Variants in RAPGEF5 observed in about 807,000 individuals in gnomAD.
The protein encoded by RAPGEF5 is M-Ras-regulated GEF.
In RAPGEF5, 65 loss-of-function variants were observed where a neutral mutation model predicts 125.2. The ratio of observed to expected loss-of-function variants is 0.52; its 90% CI spans 0.43 to 0.64. The LOEUF (loss-of-function observed/expected upper bound fraction) is 0.64. Ranked by LOEUF, RAPGEF5 falls within the 30% of genes least tolerant of loss-of-function variation. The pLI is 0.00. For synonymous variants in RAPGEF5, 391 were observed against 385.9 expected (o/e 1.01, Z -0.16); for missense variants, 958 against 1,048.1 (o/e 0.91, Z 1.19).
In RAPGEF5 at chr7:22,247,275, A is replaced by G. The variant is rs112732344; in HGVS notation, c.797-16356T>C. Among the ~76,000 whole-genome samples the G allele has an allele frequency of 2.1e-3, 327 of 152,266 alleles. 3 individuals carry two copies. The highest frequency in any genetic ancestry group is 7.6e-3 in the African/African-American group (315 of 41,558). On this transcript the variant is annotated intron_variant, in intron 7 of 25. Coordinates refer to ENST00000665637, the MANE Select transcript of RAPGEF5 (RefSeq NM_012294.5). Reference sequence around the variant, plus strand: ...ATCGTTCTGCCAAAAAGACACATGCACTCATATGTTTACTGCAGCAGTATT... The same window carrying G: ...ATCGTTCTGCCAAAAAGACACATGCGCTCATATGTTTACTGCAGCAGTATT...
chr7:22,161,268 T>C (rs904339185), intron 13 of RAPGEF5, among the ~76,000 whole-genome samples: 2 of 151,820 alleles, frequency 1.3e-5, no homozygotes, highest in Admixed American at 6.6e-5. Context: ...AGGTTGGGTG[T>C]GGTGGCTCAG....
chr7:22,322,317 C>CTT (rs1167378740), intron 1 of RAPGEF5, among the ~76,000 whole-genome samples: 1 of 146,556 alleles, frequency 6.8e-6, no homozygotes. Flanking sequence ...TTTTGTATTT[C>CTT]TTTTTTTTTT....
At chr7:22,178,942 A>G (rs910408114) in intron 11 of RAPGEF5, among the ~76,000 whole-genome samples, 2 of 152,162 alleles carry the variant, frequency 1.3e-5, no homozygotes, top group Admixed American at 6.6e-5. Context: ...ACCAGTCATC[A>G]TATTAGCATA....
intron 18 of RAPGEF5, among the ~76,000 whole-genome samples, chr7:22,147,637 T>C (rs1325933880): frequency 6.6e-6 from 1 of 152,232 alleles, no homozygotes; most frequent in Non-Finnish European, 1.5e-5. Context: ...CTAACAACTA[T>C]GAGGCTGGTA....
intron 5 of RAPGEF5, among the ~76,000 whole-genome samples, chr7:22,295,063 G>T (rs1783028417): frequency 6.6e-6 from 1 of 152,154 alleles, no homozygotes; most frequent in African/African-American, 2.4e-5. Flanking sequence ...AAGTTTGTAT[G>T]CTTTGATCAA....
At chr7:22,330,903 C>T (rs1783904381) in intron 1 of RAPGEF5, among the ~76,000 whole-genome samples, 2 of 152,212 alleles carry the variant, frequency 1.3e-5, no homozygotes, top group African/African-American at 2.4e-5. Flanking sequence ...ATTAGCTACT[C>T]ACTCTGGGGT....
intron 7 of RAPGEF5, among the ~76,000 whole-genome samples, chr7:22,260,998 A>G (rs989007467): frequency 5.9e-5 from 9 of 152,224 alleles, no homozygotes; most frequent in African/African-American, 1.9e-4. Context: ...AAAGAATTCA[A>G]TGAATGCTAA....
intron 11 of RAPGEF5, among the ~76,000 whole-genome samples, chr7:22,169,219 C>G (rs1784265831): frequency 6.6e-6 from 1 of 152,146 alleles, no homozygotes; most frequent in Admixed American, 6.5e-5. Flanking sequence ...GGGCCCCCTA[C>G]TAGAGTCTCT....
intron 7 of RAPGEF5, among the ~76,000 whole-genome samples, chr7:22,247,739 G>T (rs1334990735): frequency 2.8e-5 from 4 of 143,838 alleles, no homozygotes; most frequent in African/African-American, 7.7e-5. Flanking sequence ...CCCATTAATG[G>T]TGGACTGGAT....
Position 22,308,384 on chromosome 7 carries a change from A to T in RAPGEF5, c.635T>A (p.Leu212Gln). ...GGCAGGAATGAGAGGCACAAGTTGC[A>T]GTAAAAGCTTGACACCATTTTGCCA... is the stretch of plus-strand genomic sequence containing the variant. Reference protein sequence around the residue: ...EEWQNGVKLLLQLVPLIPARG... With the variant: ...EEWQNGVKLLQQLVPLIPARG... Residue 212 changes from leucine to glutamine, a missense_variant, in exon 5 of 26, where the codon CTG becomes CAG. Physicochemically the swap from Leu to Gln is moderately radical, Grantham distance 113. Coordinates refer to ENST00000665637, the MANE Select transcript of RAPGEF5 (RefSeq NM_012294.5). 1.9e-6 allele frequency: 3 copies of T among 1,589,300 alleles called. No homozygotes were observed. The highest frequency in any genetic ancestry group is 2.6e-6 in the Non-Finnish European group (3 of 1,166,468).
chr7:22,237,127 A>C (rs758126693), intron 7 of RAPGEF5, among the ~76,000 whole-genome samples: 1 of 152,198 alleles, frequency 6.6e-6, no homozygotes, highest in African/African-American at 2.4e-5. Context: ...CTTAATGAAG[A>C]GTCTTCTGAG....
At chr7:22,211,312 G>C (rs1043317772) in intron 9 of RAPGEF5, among the ~76,000 whole-genome samples, 1 of 152,184 alleles carries the variant, frequency 6.6e-6, no homozygotes, top group South Asian at 2.1e-4. Flanking sequence ...ATCAATATGA[G>C]GCAAATATAC....
At chr7:22,125,711 T>C (rs1426938878) in intron 24 of RAPGEF5, 53 bp from the exon 25 acceptor site, 2 of 1,511,918 alleles carry the variant, frequency 1.3e-6, no homozygotes, top group East Asian at 2.3e-5. Flanking sequence ...AGGGTGTTAC[T>C]GAAGAAGCAG....
At chr7:22,262,024 A>G (rs951041975) in intron 7 of RAPGEF5, among the ~76,000 whole-genome samples, 2 of 152,202 alleles carry the variant, frequency 1.3e-5, no homozygotes, top group African/African-American at 2.4e-5. Flanking sequence ...TTAACCCCAA[A>G]GCATTAAAAG....
At chr7:22,148,313 T>G (rs533600860) in intron 18 of RAPGEF5, among the ~76,000 whole-genome samples, 26 of 152,348 alleles carry the variant, frequency 1.7e-4, no homozygotes, top group African/African-American at 5.1e-4. Flanking sequence ...ATTTTCTCCC[T>G]AATTGGGTCC....
chr7:22,304,922 G>T (rs143798773), intron 5 of RAPGEF5, among the ~76,000 whole-genome samples: 1 of 152,128 alleles, frequency 6.6e-6, no homozygotes, highest in Non-Finnish European at 1.5e-5. Flanking sequence ...CTTTACTATT[G>T]CAAGGCCCTT....
chr7:22,312,785 C>T (rs1399610038), intron 3 of RAPGEF5, among the ~76,000 whole-genome samples: 1 of 152,124 alleles, frequency 6.6e-6, no homozygotes, highest in Non-Finnish European at 1.5e-5. Flanking sequence ...ATCCACCTAC[C>T]CCAGGGCAAA....
At chr7:22,162,641 T>C in intron 12 of RAPGEF5, 100 bp from the exon 13 acceptor site, 1 of 1,155,270 alleles carries the variant, frequency 8.7e-7, no homozygotes, top group East Asian at 2.5e-5. Flanking sequence ...CATACAAGTG[T>C]ATAAACATGC....
chr7:22,144,963 A>G, intron 20 of RAPGEF5, 81 bp downstream of exon 20: 1 of 1,464,772 alleles, frequency 6.8e-7, no homozygotes, highest in Non-Finnish European at 9.2e-7. Context: ...AACCCTTATC[A>G]TCATAAGAAA....
Sources: gnomAD v4.1 joint callset for allele counts (sites outside exome capture counted in the v4.1 genomes callset) on GRCh38, gnomAD v4.1.1 for gene constraint, MANE v1.5 for transcripts, NCBI Gene and HGNC (gene_info 2026-07-23, HGNC 2026-07-21) for gene names.